Variants in TENM2 observed in about 807,000 individuals in gnomAD.
TENM2 encodes the protein teneurin-2.
Under a neutral mutation model 245.2 loss-of-function variants are expected in TENM2, and 52 were observed. The ratio of observed to expected loss-of-function variants is 0.21; its 90% CI spans 0.17 to 0.27. The LOEUF (loss-of-function observed/expected upper bound fraction) is 0.27, where lower values mean the gene tolerates loss of function less well. TENM2 is among the 10% of genes least tolerant of loss of function. TENM2 has a pLI of 1.00. For synonymous variants in TENM2, 1,363 were observed against 1,438.9 expected, an observed-to-expected ratio of 0.95 and a Z score of 1.19; for missense variants, 3,046 against 3,666.8, an observed-to-expected ratio of 0.83 and a Z score of 4.37.
intron 2 of TENM2, among the ~76,000 whole-genome samples, chr5:167,434,540 GTATTT>G (rs1764434772): frequency 6.7e-6 from 1 of 149,634 alleles, no homozygotes; most frequent in Non-Finnish European, 1.5e-5. Flanking sequence ...TTCAAAATAA[GTATTT>G]TATATTTCAG....
chr5:168,188,984 G>T (rs542541384), intron 13 of TENM2, among the ~76,000 whole-genome samples: 12 of 152,312 alleles, frequency 7.9e-5, no homozygotes, highest in African/African-American at 2.9e-4. Context: ...AGTCCTGGAG[G>T]CTGGGAAGTC....
intron 2 of TENM2, among the ~76,000 whole-genome samples, chr5:167,437,783 C>G (rs10058279): frequency 0.7 from 105,796 of 151,954 alleles, 37,861 homozygotes; most frequent in Middle Eastern, 0.8. Context: ...ACCCATTTCT[C>G]TTGATTCTCA....
At chr5:167,925,781 G>C (rs893025500) in intron 3 of TENM2, among the ~76,000 whole-genome samples, 1 of 152,196 alleles carries the variant, frequency 6.6e-6, no homozygotes. Flanking sequence ...GCCATGAGAA[G>C]TACAAGATCA....
At chr5:167,529,671 T>TCTGTACCAATCA (rs1345167165) in intron 2 of TENM2, among the ~76,000 whole-genome samples, 1 of 152,220 alleles carries the variant, frequency 6.6e-6, no homozygotes, top group Non-Finnish European at 1.5e-5. Flanking sequence ...TGTTGATTGG[T>TCTGTACCAATCA]ACAGAAATAA....
At chr5:168,035,006 GT>G (rs1787535270) in intron 5 of TENM2, among the ~76,000 whole-genome samples, 1 of 152,130 alleles carries the variant, frequency 6.6e-6, no homozygotes, top group South Asian at 2.1e-4. Flanking sequence ...CACTTTAACT[GT>G]TGAAAATTTA....
chr5:168,198,940 G>T, exon 16 of TENM2: 1 of 1,614,042 alleles, frequency 6.2e-7, no homozygotes, highest in Non-Finnish European at 8.5e-7. Flanking sequence ...CTGTGTGGCT[G>T]CCGTGGAACA....
chr5:167,472,223 G>T (rs1767071974), intron 2 of TENM2, among the ~76,000 whole-genome samples: 1 of 152,144 alleles, frequency 6.6e-6, no homozygotes. Flanking sequence ...AAAAATGAGA[G>T]TTGTGAGAGA....
the TENM2 span, among the ~76,000 whole-genome samples, chr5:167,268,078 C>T: frequency 6.6e-6 from 1 of 152,124 alleles, no homozygotes; most frequent in African/African-American, 2.4e-5. Flanking sequence ...CTTGAACTAT[C>T]AACATTTTTG....
intron 1 of TENM2, 44 bp downstream of exon 3, chr5:167,285,107 T>G: frequency 7.0e-7 from 1 of 1,425,892 alleles, no homozygotes; most frequent in South Asian, 1.2e-5. Context: ...ACTGTCTAAC[T>G]TACTTGATTT....
chr5:167,241,106 A>G, the TENM2 span, among the ~76,000 whole-genome samples: 1 of 151,136 alleles, frequency 6.6e-6, no homozygotes. Context: ...AAAACAAAGC[A>G]TTACTTTTGA....
At chr5:168,099,628 AC>A (rs998812094) in intron 9 of TENM2, among the ~76,000 whole-genome samples, 2 of 152,196 alleles carry the variant, frequency 1.3e-5, no homozygotes, top group African/African-American at 2.4e-5. Flanking sequence ...TTTCTGCAAG[AC>A]AATCATTAAT....
At chr5:167,736,293 C>G (rs1162679854) in intron 2 of TENM2, among the ~76,000 whole-genome samples, 1 of 151,988 alleles carries the variant, frequency 6.6e-6, no homozygotes, top group Non-Finnish European at 1.5e-5. Context: ...CCACCTGGTC[C>G]CTCCCATGAC....
chr5:167,971,999 G>A (rs1460185799), intron 4 of TENM2, among the ~76,000 whole-genome samples: 1 of 152,210 alleles, frequency 6.6e-6, no homozygotes, highest in African/African-American at 2.4e-5. Flanking sequence ...GCATGATTAG[G>A]GAATGTTGGT....
chr5:167,964,098 GT>G (rs924912381), intron 4 of TENM2, among the ~76,000 whole-genome samples: 1 of 152,136 alleles, frequency 6.6e-6, no homozygotes, highest in African/African-American at 2.4e-5. Context: ...TTCACAGAAG[GT>G]TTTGAAACAA....
chr5:167,009,416 C>T, the TENM2 span, among the ~76,000 whole-genome samples: 1 of 152,088 alleles, frequency 6.6e-6, no homozygotes, highest in Non-Finnish European at 1.5e-5. Context: ...ATATTTACTG[C>T]TCAAAATAAA....
chr5:168,195,526 G>A (rs575486676), intron 15 of TENM2, among the ~76,000 whole-genome samples: 8 of 143,974 alleles, frequency 5.6e-5, no homozygotes, highest in South Asian at 4.6e-4. Flanking sequence ...CAGCCACCTC[G>A]TTTTTTTAAT....
the TENM2 span, among the ~76,000 whole-genome samples, chr5:167,120,666 T>C: frequency 1.3e-3 from 201 of 152,348 alleles, no homozygotes; most frequent in Non-Finnish European, 2.6e-3. Context: ...TTGATTTAAC[T>C]TGAGGAACTT....
At chr5:167,186,733 G>A in the TENM2 span, among the ~76,000 whole-genome samples, 7 of 152,152 alleles carry the variant, frequency 4.6e-5, no homozygotes, top group African/African-American at 7.2e-5. Flanking sequence ...AATCCAAATC[G>A]ACAATCCAGC....
chr5:168,234,623 A>G (rs1172316822), intron 25 of TENM2, among the ~76,000 whole-genome samples: 6 of 152,104 alleles, frequency 3.9e-5, no homozygotes, highest in Admixed American at 2.6e-4. Flanking sequence ...TCCCACCCCA[A>G]CAAGCCTTTT....
Sources: allele counts gnomAD v4.1 joint callset (sites outside exome capture counted in the v4.1 genomes callset), GRCh38; gene constraint gnomAD v4.1.1; transcripts MANE v1.5; gene names NCBI Gene and HGNC (gene_info 2026-07-23, HGNC 2026-07-21).